Variants in NAV2 observed in about 807,000 individuals in gnomAD.
The protein encoded by NAV2 is neuron navigator 2, also known as helicase, APC down-regulated 1.
Under a neutral mutation model 223.2 loss-of-function variants are expected in NAV2, and 54 were observed. The observed-to-expected ratio is 0.24, with a 90% CI of 0.19 to 0.30. The LOEUF (loss-of-function observed/expected upper bound fraction) is 0.30, where lower values mean the gene tolerates loss of function less well. Ranked by LOEUF, NAV2 falls within the 10% of genes least tolerant of loss-of-function variation. The pLI, the probability that NAV2 is intolerant of heterozygous loss-of-function variation, is 1.00. For missense variants in NAV2, 2,806 were observed against 3,147.5 expected, an observed-to-expected ratio of 0.89 and a Z score of 2.60; for synonymous variants, 1,279 against 1,239.3, an observed-to-expected ratio of 1.03 and a Z score of -0.67.
intron 14 of NAV2, among the ~76,000 whole-genome samples, chr11:20,047,018 G>A (rs552371344): frequency 6.6e-6 from 1 of 152,332 alleles, no homozygotes; most frequent in South Asian, 2.1e-4. Context: ...GTATAATGAA[G>A]CAGTTCACTG....
chr11:19,527,207 T>C (rs1590413170), intron 1 of NAV2, among the ~76,000 whole-genome samples: 1 of 152,300 alleles, frequency 6.6e-6, no homozygotes, highest in South Asian at 2.1e-4. Context: ...CTCATGGTAA[T>C]GAATAAGTCT....
At chr11:19,402,378 C>T (rs1233162988) in intron 1 of NAV2, among the ~76,000 whole-genome samples, 1 of 152,178 alleles carries the variant, frequency 6.6e-6, no homozygotes, top group Non-Finnish European at 1.5e-5. Flanking sequence ...CTGATACATG[C>T]AGAGCTCAGT....
chr11:19,492,267 C>A, intron 1 of NAV2, among the ~76,000 whole-genome samples: 1 of 151,766 alleles, frequency 6.6e-6, no homozygotes, highest in East Asian at 1.9e-4. Flanking sequence ...GTTGCCACAA[C>A]CTTTCAATTT....
chr11:19,510,991 T>C (rs935236469), intron 1 of NAV2: 4 of 152,260 alleles, frequency 2.6e-5, no homozygotes, highest in Non-Finnish European at 5.9e-5. Context: ...TGTGTTCACA[T>C]GCTCCATGTT....
chr11:19,836,927 C>A (rs985602523), intron 2 of NAV2, among the ~76,000 whole-genome samples: 1 of 152,126 alleles, frequency 6.6e-6, no homozygotes, highest in South Asian at 2.1e-4. Flanking sequence ...CTCTCTTGGG[C>A]CTGTTTTATA....
chr11:19,646,695 C>G (rs2047824897), intron 1 of NAV2, among the ~76,000 whole-genome samples: 1 of 152,110 alleles, frequency 6.6e-6, no homozygotes, highest in Non-Finnish European at 1.5e-5. Context: ...TTTCAAATAG[C>G]ATCTATACTC....
Position 19,382,027 on chromosome 11 carries a change from T to C in NAV2, c.75+31000T>C, listed in dbSNP as rs75422458. ...GCTGCTCACTGGGGCCATCACCACC[T>C]GACCCCCAGGTGGGAATGCTGCTGG... On this transcript the variant is annotated intron_variant, in intron 1 of 37. Coordinates refer to the NAV2 transcript ENST00000360655. Among the ~76,000 whole-genome samples the C allele has an allele frequency of 9.0e-3, 1,371 of 152,286 alleles. 22 individuals carry two copies. Among genetic ancestry groups the C allele is most frequent in the African/African-American group, 0.031 (1,304 of 41,568 alleles).
intron 1 of NAV2, among the ~76,000 whole-genome samples, chr11:19,622,348 C>A (rs2047023568): frequency 6.6e-6 from 1 of 152,162 alleles, no homozygotes; most frequent in South Asian, 2.1e-4. Flanking sequence ...CTAATGTTGA[C>A]AGTGGGGTGT....
intron 1 of NAV2, among the ~76,000 whole-genome samples, chr11:19,360,326 C>T (rs1281695275): frequency 6.6e-6 from 1 of 152,198 alleles, no homozygotes; most frequent in Non-Finnish European, 1.5e-5. Context: ...TAGCAAGAAG[C>T]CCCTATCCTT....
At chr11:19,935,376 A>C (rs1034921239) in intron 7 of NAV2, among the ~76,000 whole-genome samples, 4 of 152,244 alleles carry the variant, frequency 2.6e-5, no homozygotes, top group Admixed American at 2.6e-4. Context: ...GACACACATT[A>C]AAAGTCACAT....
At chr11:20,056,509 T>C (rs754453549) in intron 19 of NAV2, 1 of 1,554,132 alleles carries the variant, frequency 6.4e-7, no homozygotes, top group Non-Finnish European at 8.9e-7. Flanking sequence ...TGGATTTTTA[T>C]GTTTGGTTCA....
rs148679484 is a variant in NAV2 at position 20,045,490 on chromosome 11, C to G, written c.3722C>G (p.Ser1241Cys). The change falls in exon 14 of 38, where the codon TCT becomes TGT. Residue 1241 changes from serine to cysteine, a missense_variant. Ser to Cys is a moderately radical substitution (Grantham distance 112). Transcript: ENST00000349880. ...REPSKTALGSSLPGLVNQTDK... is the reference protein window; with the variant it reads ...REPSKTALGSCLPGLVNQTDK... ...CCTTCCAAAACAGCCCTAGGCAGCT[C>G]TCTACCAGGTCTGGTCAACCAAACA... The G allele has an allele frequency of 6.2e-7, 1 of 1,614,156 alleles. No individual in the cohort carries two copies. Among genetic ancestry groups the G allele is most frequent in the Non-Finnish European group, 8.5e-7 (1 of 1,180,022 alleles).
chr11:20,037,764 A>T (rs1302773585), intron 12 of NAV2, among the ~76,000 whole-genome samples: 1 of 152,250 alleles, frequency 6.6e-6, no homozygotes, highest in African/African-American at 2.4e-5. Context: ...TCACTGTTTC[A>T]TCAGTGATTA....
At chr11:19,667,572 C>T (rs2048450405) in intron 1 of NAV2, among the ~76,000 whole-genome samples, 1 of 152,140 alleles carries the variant, frequency 6.6e-6, no homozygotes, top group African/African-American at 2.4e-5. Context: ...TCTGGATCCC[C>T]TATGCCCAGC....
chr11:19,812,938 G>A (rs1448593950), intron 1 of NAV2, among the ~76,000 whole-genome samples: 1 of 152,168 alleles, frequency 6.6e-6, no homozygotes, highest in African/African-American at 2.4e-5. Flanking sequence ...AGCTTGGCAG[G>A]AGGCAAGGCC....
intron 24 of NAV2, among the ~76,000 whole-genome samples, chr11:20,079,681 C>T (rs1390957965): frequency 1.3e-5 from 2 of 152,110 alleles, no homozygotes; most frequent in Non-Finnish European, 2.9e-5. Flanking sequence ...TTCCAGAGGG[C>T]TGCAAGAAGG....
intron 1 of NAV2, among the ~76,000 whole-genome samples, chr11:19,487,583 T>C (rs958050156): frequency 1.3e-5 from 2 of 152,136 alleles, no homozygotes; most frequent in African/African-American, 4.8e-5. Context: ...CTTGCTTTGG[T>C]GAAGTCAGAA....
At chr11:19,753,913 G>T (rs560691128) in intron 1 of NAV2, among the ~76,000 whole-genome samples, 3 of 152,244 alleles carry the variant, frequency 2.0e-5, no homozygotes, top group Non-Finnish European at 2.9e-5. Flanking sequence ...CTCAGAGGGA[G>T]GGTGGGGAGA....
chr11:19,422,569 C>T (rs1469006723), intron 1 of NAV2, among the ~76,000 whole-genome samples: 1 of 148,492 alleles, frequency 6.7e-6, no homozygotes, highest in Admixed American at 6.8e-5. Flanking sequence ...GCCCATAAGG[C>T]CCTTCTGCGG....
Sources: allele counts gnomAD v4.1 joint callset (sites outside exome capture counted in the v4.1 genomes callset), GRCh38; gene constraint gnomAD v4.1.1; transcripts MANE v1.5; gene names NCBI Gene and HGNC (gene_info 2026-07-23, HGNC 2026-07-21).